CREBBP: variants seen among roughly 807,000 people sequenced by gnomAD.
CREBBP encodes CREB binding lysine acetyltransferase.
A neutral mutation model predicts 265.0 loss-of-function variants in CREBBP; 19 were observed. That is an observed-to-expected ratio of 0.07 (90% CI 0.05 to 0.11). The LOEUF is 0.11. Ranked by LOEUF, CREBBP falls within the 10% of genes least tolerant of loss-of-function variation. CREBBP has a pLI of 1.00. For synonymous variants in CREBBP, 1,457 were observed against 1,223.7 expected (o/e 1.19, Z -3.98); for missense variants, 2,525 against 3,219.0 (o/e 0.78, Z 5.22).
chr16:3,832,648 C>G (rs747923648), intron 2 of CREBBP, among the ~76,000 whole-genome samples: 3 of 152,148 alleles, frequency 2.0e-5, no homozygotes, highest in Non-Finnish European at 2.9e-5. Flanking sequence ...ATTTGTGTAT[C>G]TAAACATAGA....
At chr16:3,776,735 G>A (rs559487663) in intron 11 of CREBBP, among the ~76,000 whole-genome samples, 15 of 152,212 alleles carry the variant, frequency 9.9e-5, no homozygotes, top group East Asian at 7.7e-4. Context: ...AAAGCTGGCC[G>A]GGTGCAGTGG....
Position 3,731,693 on chromosome 16 carries a change from C to T in CREBBP, c.4890+83G>A, listed in dbSNP as rs1490028923. On this transcript the variant is annotated intron_variant, in intron 29 of 30. Transcript: ENST00000262367. This position sits in a 1 kb window ranked among gnomAD's most constrained non-coding sequence, Gnocchi z 7.7. ...CCACTTCCCTCCCACCACAGACCTG[C>T]ACACGGGCCCACGCCCGCCAGCTGC... The T allele has an allele frequency of 2.5e-6, 4 of 1,588,252 alleles. No homozygotes were observed. Among genetic ancestry groups the T allele is most frequent in the Admixed American group, 3.3e-5 (2 of 59,956 alleles).
At chr16:3,761,601 C>T (rs888852640) in intron 16 of CREBBP, 2 of 518,144 alleles carry the variant, frequency 3.9e-6, no homozygotes, top group Non-Finnish European at 7.7e-6. Flanking sequence ...ACACCGCCTC[C>T]TCTCCAGGGC....
Position 3,727,820 on chromosome 16 carries a change from G to A in CREBBP, c.7227C>T (p.Leu2409=), listed in dbSNP as rs966123342. 5 of 1,614,190 alleles carry A rather than the reference G, an allele frequency of 3.1e-6. No homozygotes were observed. The African/African-American group carries it at 5.3e-5, about 17-fold the overall frequency. Residue 2409 remains leucine, a synonymous_variant, in exon 31 of 31, where the codon CTC becomes CTT. Coordinates refer to ENST00000262367, the MANE Select transcript of CREBBP (RefSeq NM_004380.3). ...TCCTGCTGGGGGTGTTCAGCTGGGG[G>A]AGCATTGCACTCTGTTCGGGGTTCC... ...HLGNPEQSAM[L]PQLNTPSRSA...
At chr16:3,773,729 C>A (rs781544055) in intron 13 of CREBBP, 22 bp downstream of exon 13, 19 of 1,611,842 alleles carry the variant, frequency 1.2e-5, no homozygotes, top group Non-Finnish European at 1.4e-5. Flanking sequence ...TAGGGAGCCA[C>A]GGTCCCAGTG....
chr16:3,731,929 C>G lies in CREBBP; in HGVS notation c.4737G>C (p.Gln1579His), dbSNP rs779136868. Reference protein sequence around the residue: ...TAASETTEGSQGDSKNAKKKN... With the variant: ...TAASETTEGSHGDSKNAKKKN... Reference sequence around the variant, plus strand: ...TCTTCTTGGCATTCTTGCTGTCGCCCTGACTGCCCTGCAACAACACGCAAG... The same window carrying G: ...TCTTCTTGGCATTCTTGCTGTCGCCGTGACTGCCCTGCAACAACACGCAAG... The change falls in exon 29 of 31, where the codon CAG becomes CAC. Residue 1579 changes from glutamine (Q) to histidine (H), a missense_variant. Around this residue, in one of 19 missense-constraint regions of CREBBP, gnomAD observed 93 missense variants for 161.5 expected, o/e 0.58. Transcript: ENST00000262367. This position sits in a 1 kb window ranked among gnomAD's most constrained non-coding sequence, Gnocchi z 7.7. 1 of 1,614,210 alleles carries G rather than the reference C, an allele frequency of 6.2e-7. No individual in the cohort carries two copies. Among genetic ancestry groups the G allele is most frequent in the South Asian group, 1.1e-5 (1 of 91,084 alleles).
intron 2 of CREBBP, among the ~76,000 whole-genome samples, chr16:3,825,024 TC>T (rs1467070096): frequency 6.6e-6 from 1 of 152,118 alleles, no homozygotes; most frequent in Non-Finnish European, 1.5e-5. Context: ...GGCTCTAAGA[TC>T]TCTTTGCAAA....
chr16:3,875,540 C>G (rs1023467622), intron 1 of CREBBP, among the ~76,000 whole-genome samples: 7 of 152,130 alleles, frequency 4.6e-5, no homozygotes, highest in Admixed American at 4.6e-4. Flanking sequence ...CCTGGCTGCC[C>G]CCACCACAGG....
chr16:3,767,994 A>T (rs2052899568), intron 15 of CREBBP, 85 bp from the exon 16 acceptor site: 1 of 1,348,146 alleles, frequency 7.4e-7, no homozygotes, highest in South Asian at 1.2e-5. Flanking sequence ...TACAAGCCTA[A>T]AACAGGTTTG....
intron 3 of CREBBP, among the ~76,000 whole-genome samples, chr16:3,795,775 G>C (rs2053595920): frequency 6.6e-6 from 1 of 152,104 alleles, no homozygotes; most frequent in African/African-American, 2.4e-5. Context: ...AGATATGGAG[G>C]AATGGGAGAA....
chr16:3,835,509 C>T (rs931079091), intron 2 of CREBBP, among the ~76,000 whole-genome samples: 3 of 150,724 alleles, frequency 2.0e-5, no homozygotes, highest in Admixed American at 1.3e-4. Context: ...AGTTATTTAT[C>T]TAAGAGAAAT....
chr16:3,793,245 G>A lies in CREBBP; in HGVS notation c.1216+141C>T. The stretch of plus-strand genomic sequence containing the variant: ...CTGACTGTCGTCGCGTGGGGAACGT[G>A]AGCGCAACATGTCTTGCCACACCCA... On this transcript the variant is annotated intron_variant, in intron 4 of 30. Coordinates refer to ENST00000262367, the MANE Select transcript of CREBBP (RefSeq NM_004380.3). 6 of 1,134,034 alleles carry A rather than the reference G, an allele frequency of 5.3e-6. 1 individual carries two copies. In the South Asian group the frequency reaches 6.2e-5, roughly 12 times the overall value. The allele number at this position is 1,134,034 out of a possible 1,614,324, so 70.2% of individuals were successfully genotyped here. A position where few individuals can be genotyped will look rare whatever the true frequency, so the allele number is the denominator to read the frequency against.
chr16:3,774,026 G>GGGTTGTGCCCT, intron 12 of CREBBP, 96 bp from the exon 13 acceptor site: 1 of 1,375,462 alleles, frequency 7.3e-7, no homozygotes, highest in Non-Finnish European at 1.0e-6. Flanking sequence ...CACAACCCCA[G>GGGTTGTGCCCT]AGGATGGCAA....
intron 3 of CREBBP, among the ~76,000 whole-genome samples, chr16:3,809,247 C>T (rs1216689291): frequency 1.3e-5 from 2 of 151,898 alleles, no homozygotes; most frequent in Non-Finnish European, 2.9e-5. Context: ...GCGCGATCTC[C>T]GCTCACTGCA....
At chr16:3,783,294 G>C (rs1596922197) in intron 5 of CREBBP, among the ~76,000 whole-genome samples, 1 of 152,338 alleles carries the variant, frequency 6.6e-6, no homozygotes, top group East Asian at 1.9e-4. Flanking sequence ...ATTCTCTGGG[G>C]ACCAGCAGAC....
intron 2 of CREBBP, among the ~76,000 whole-genome samples, chr16:3,825,735 G>GT (rs1289279573): frequency 2.0e-5 from 3 of 152,236 alleles, no homozygotes; most frequent in South Asian, 2.1e-4. Flanking sequence ...AAAATCTCTT[G>GT]TTTCTGAGAT....
intron 5 of CREBBP, among the ~76,000 whole-genome samples, chr16:3,785,805 GCTCTAA>G (rs750007358): frequency 8.3e-4 from 127 of 152,320 alleles, no homozygotes; most frequent in Non-Finnish European, 8.1e-4. Flanking sequence ...AGAGCATAAA[GCTCTAA>G]CTTTTAGGAA....
chr16:3,849,477 G>GA (rs2054776862), intron 2 of CREBBP, among the ~76,000 whole-genome samples: 3 of 121,914 alleles, frequency 2.5e-5, no homozygotes, highest in Non-Finnish European at 5.2e-5. Context: ...GTGTGTGTGT[G>GA]TGTGTGTGTG....
intron 5 of CREBBP, chr16:3,784,653 G>A (rs1465886151): frequency 6.6e-6 from 1 of 152,248 alleles, no homozygotes; most frequent in Admixed American, 6.5e-5. Context: ...GTGATGGACT[G>A]TGGAGAAGAA....
Sources: gnomAD v4.1 joint callset for allele counts (sites outside exome capture counted in the v4.1 genomes callset) on GRCh38, gnomAD v4.1.1 for gene constraint, gnomAD v4.1.1 regional missense constraint, Gnocchi (gnomAD v3.1) non-coding constraint, MANE v1.5 for transcripts, NCBI Gene and HGNC (gene_info 2026-07-23, HGNC 2026-07-21) for gene names.